The following HS3ST3A1 variants were observed in gnomAD, a reference collection of about 807,000 sequenced individuals.
HS3ST3A1 encodes the protein heparan sulfate-glucosamine 3-sulfotransferase 3A1, also known as heparan sulfate glucosamine 3-O-sulfotransferase 3A1.
HS3ST3A1 carries 19 observed loss-of-function variants against 25.7 expected under a neutral mutation model. The ratio of observed to expected loss-of-function variants is 0.74; its 90% CI spans 0.52 to 1.08. The LOEUF is 1.08. Among genes scored for constraint, HS3ST3A1 ranks in the 50% least tolerant of loss-of-function variants. The pLI is 0.00. For missense variants in HS3ST3A1, 459 were observed against 594.3 expected (o/e 0.77, Z 2.37); for synonymous variants, 226 against 278.6 (o/e 0.81, Z 1.88).
At chr17:13,514,729 A>T (rs921216785) in intron 1 of HS3ST3A1, among the ~76,000 whole-genome samples, 1 of 152,168 alleles carries the variant, frequency 6.6e-6, no homozygotes, top group Non-Finnish European at 1.5e-5. Context: ...AGACGAGGAG[A>T]GGGTAAGACT....
intron 1 of HS3ST3A1, among the ~76,000 whole-genome samples, chr17:13,566,347 T>C (rs1907674705): frequency 6.6e-6 from 1 of 152,192 alleles, no homozygotes; most frequent in Non-Finnish European, 1.5e-5. Flanking sequence ...AATGTGTGTG[T>C]ACTGACTGCT....
intron 1 of HS3ST3A1, among the ~76,000 whole-genome samples, chr17:13,534,678 A>G (rs6502275): frequency 0.44 from 67,036 of 151,434 alleles, 16,502 homozygotes; most frequent in African/African-American, 0.67. Context: ...GCAGTGAGCC[A>G]TGATGCTGCC....
intron 1 of HS3ST3A1, among the ~76,000 whole-genome samples, chr17:13,597,964 G>A (rs1260802137): frequency 6.6e-6 from 1 of 152,190 alleles, no homozygotes; most frequent in Non-Finnish European, 1.5e-5. Flanking sequence ...GGCTAACTGA[G>A]TGATTTCACT....
chr17:13,506,901 CAA>C (rs958583882), intron 1 of HS3ST3A1, among the ~76,000 whole-genome samples: 20 of 101,106 alleles, frequency 2.0e-4, no homozygotes, highest in Admixed American at 3.0e-4. Flanking sequence ...TACTAAAATA[CAA>C]AAAAAAAAAA....
At chr17:13,532,409 G>C (rs1390745629) in intron 1 of HS3ST3A1, among the ~76,000 whole-genome samples, 1 of 152,156 alleles carries the variant, frequency 6.6e-6, no homozygotes, top group African/African-American at 2.4e-5. Context: ...AGGGTCCTAA[G>C]GCTGTTGGGG....
intron 1 of HS3ST3A1, 23 bp from the exon 2 acceptor site, chr17:13,496,841 T>C: frequency 6.2e-7 from 1 of 1,604,410 alleles, no homozygotes; most frequent in Non-Finnish European, 8.5e-7. Context: ...AAAAGGCATG[T>C]CAGAGATGTG....
intron 1 of HS3ST3A1, among the ~76,000 whole-genome samples, chr17:13,584,774 A>G (rs1908208280): frequency 6.6e-6 from 1 of 152,220 alleles, no homozygotes; most frequent in Non-Finnish European, 1.5e-5. Flanking sequence ...CACGTGGATA[A>G]CTAGTCATAA....
At chr17:13,539,068 T>C (rs1906851987) in intron 1 of HS3ST3A1, among the ~76,000 whole-genome samples, 1 of 152,162 alleles carries the variant, frequency 6.6e-6, no homozygotes, top group African/African-American at 2.4e-5. Flanking sequence ...TTCACTCACA[T>C]ATCTGGGTCC....
At position 13,559,904 on chromosome 17, in the gene HS3ST3A1, T is replaced by G. The variant is rs146703660; in HGVS notation, c.599+40627A>C. ...AGCAGCAAGTTTGGTTTTGGTTTTT[T>G]TGCAAAAGGCCCATCTTGTTTTCTT... On this transcript the variant is annotated intron_variant, in intron 1 of 1. Transcript: ENST00000284110. Among the ~76,000 whole-genome samples the G allele has an allele frequency of 1.6e-3, 242 of 152,228 alleles. 1 individual carries two copies. Among genetic ancestry groups the G allele is most frequent in the African/African-American group, 5.4e-3 (225 of 41,532 alleles).
intron 1 of HS3ST3A1, among the ~76,000 whole-genome samples, chr17:13,565,894 C>G (rs1251554753): frequency 6.6e-6 from 1 of 152,194 alleles, no homozygotes; most frequent in Non-Finnish European, 1.5e-5. Flanking sequence ...CCTAGTAAGT[C>G]TATACTCCGA....
chr17:13,570,673 A>T (rs1191955585), intron 1 of HS3ST3A1, among the ~76,000 whole-genome samples: 1 of 152,136 alleles, frequency 6.6e-6, no homozygotes, highest in Non-Finnish European at 1.5e-5. Context: ...ATGGGATTTC[A>T]TCATGTTGCC....
At chr17:13,575,791 A>G (rs1171646441) in intron 1 of HS3ST3A1, among the ~76,000 whole-genome samples, 2 of 152,366 alleles carry the variant, frequency 1.3e-5, no homozygotes, top group East Asian at 1.9e-4. Flanking sequence ...GTTCCCATCA[A>G]TGCTGGGAAG....
intron 1 of HS3ST3A1, among the ~76,000 whole-genome samples, chr17:13,498,606 G>A (rs570951799): frequency 2.6e-5 from 4 of 152,248 alleles, no homozygotes; most frequent in South Asian, 2.1e-4. Flanking sequence ...GTCCTGCCCC[G>A]TACCTAGAAG....
At chr17:13,585,847 T>TC (rs1908246821) in intron 1 of HS3ST3A1, among the ~76,000 whole-genome samples, 1 of 132,108 alleles carries the variant, frequency 7.6e-6, no homozygotes, top group Non-Finnish European at 1.6e-5. Context: ...TGCGTTTTTT[T>TC]TTTTTTTTTT....
Position 13,579,356 on chromosome 17 carries a change from C to G in HS3ST3A1, c.599+21175G>C, listed in dbSNP as rs577359559. 3.3e-5 allele frequency among the ~76,000 whole-genome samples: 5 copies of G among 151,928 alleles called. No homozygotes were observed. In the East Asian group the frequency reaches 9.7e-4, roughly 29 times the overall value. On this transcript the variant is annotated intron_variant, in intron 1 of 1. Transcript: ENST00000284110. ...ATCAAAAGTATCCCTTATAATAGTC[C>G]CAAATTAAAAAGTACCTTAAAGGGG... is the stretch of plus-strand genomic sequence containing the variant.
At position 13,561,065 on chromosome 17, in the gene HS3ST3A1, G is replaced by A. The variant is rs184556159; in HGVS notation, c.599+39466C>T. On this transcript the variant is annotated intron_variant, in intron 1 of 1. Coordinates refer to ENST00000284110, the MANE Select transcript of HS3ST3A1 (RefSeq NM_006042.3). ...AGCCAGAGGCCTCCATTCCTCGATG[G>A]ATGTTAGAGTCATCTTGGGAGCTTT... 2.1e-3 allele frequency among the ~76,000 whole-genome samples: 322 copies of A among 152,250 alleles called. 3 individuals carry two copies. The highest frequency in any genetic ancestry group is 5.3e-4 in the Non-Finnish European group (36 of 68,018).
At position 13,542,839 on chromosome 17, in the gene HS3ST3A1, C is replaced by T. The variant is rs187903275; in HGVS notation, c.600-46021G>A. 4.6e-5 allele frequency among the ~76,000 whole-genome samples: 7 copies of T among 152,138 alleles called. No homozygotes were observed. The East Asian group carries it at 1.4e-3, about 30-fold the overall frequency. The stretch of plus-strand genomic sequence containing the variant: ...GAAACTTTCAGCTCCCCCACTACCA[C>T]CACACACACACCTCTGGGGTGGAAA... On this transcript the variant is annotated intron_variant, in intron 1 of 1. Coordinates refer to ENST00000284110, the MANE Select transcript of HS3ST3A1 (RefSeq NM_006042.3).
At chr17:13,575,613 C>A (rs1025796895) in intron 1 of HS3ST3A1, among the ~76,000 whole-genome samples, 1 of 152,110 alleles carries the variant, frequency 6.6e-6, no homozygotes, top group Non-Finnish European at 1.5e-5. Flanking sequence ...TCCCAGATAG[C>A]ACAAGACCAA....
At chr17:13,519,706 G>A (rs1906169633) in intron 1 of HS3ST3A1, among the ~76,000 whole-genome samples, 1 of 151,956 alleles carries the variant, frequency 6.6e-6, no homozygotes, top group South Asian at 2.1e-4. Flanking sequence ...GGATTCTGAT[G>A]TATGGTTATT....
Sources: allele counts gnomAD v4.1 joint callset (sites outside exome capture counted in the v4.1 genomes callset), GRCh38; gene constraint gnomAD v4.1.1; transcripts MANE v1.5; gene names NCBI Gene and HGNC (gene_info 2026-07-23, HGNC 2026-07-21).